The following QTRT2 variants were observed in gnomAD, a reference collection of about 807,000 sequenced individuals.
QTRT2 encodes the protein queuine tRNA-ribosyltransferase accessory subunit 2, also known as queuine tRNA-ribosyltransferase domain containing 1.
QTRT2 carries 32 observed loss-of-function variants against 44.8 expected under a neutral mutation model. The observed-to-expected ratio is 0.71, with a 90% CI of 0.54 to 0.96. QTRT2 has a LOEUF of 0.96. Among genes scored for constraint, QTRT2 ranks in the 40% least tolerant of loss-of-function variants. The pLI, the probability that QTRT2 is intolerant of heterozygous loss-of-function variation, is 0.00. For missense variants in QTRT2, 461 were observed against 503.1 expected, an observed-to-expected ratio of 0.92 and a Z score of 0.80; for synonymous variants, 182 against 187.4, an observed-to-expected ratio of 0.97 and a Z score of 0.24.
At chr3:114,063,862 A>C (rs1577513067) in intron 2 of QTRT2, among the ~76,000 whole-genome samples, 2 of 152,128 alleles carry the variant, frequency 1.3e-5, no homozygotes, top group East Asian at 3.8e-4. Flanking sequence ...TGTCTTATTT[A>C]TTTGGTGACA....
intron 6 of QTRT2, 81 bp downstream of exon 6, chr3:114,070,919 T>C (rs1208819801): frequency 1.9e-6 from 2 of 1,058,324 alleles, no homozygotes; most frequent in Non-Finnish European, 2.9e-6. Flanking sequence ...TTTCTGTTCT[T>C]CCTCCTACTG....
At chr3:114,082,204 CCACACACACA>C (rs71146306) in intron 8 of QTRT2, among the ~76,000 whole-genome samples, 6,487 of 138,772 alleles carry the variant, frequency 0.047, 154 homozygotes, top group East Asian at 0.067. Context: ...GATAACCCCA[CCACACACACA>C]CACACACACA....
intron 9 of QTRT2, among the ~76,000 whole-genome samples, chr3:114,083,591 C>T (rs1281557426): frequency 6.6e-6 from 1 of 152,136 alleles, no homozygotes; most frequent in East Asian, 1.9e-4. Flanking sequence ...GAGTCTGATG[C>T]ACTCACTTTA....
rs751566381 is a variant in QTRT2, at chr3:114,085,842, G to A, written c.1186G>A (p.Glu396Lys). 4 of 1,613,998 alleles carry A rather than the reference G, an allele frequency of 2.5e-6. No homozygotes were observed. The highest frequency in any genetic ancestry group is 3.4e-6 in the Non-Finnish European group (4 of 1,180,040). The change falls in exon 10 of 10, where the codon GAA (glutamate) becomes AAA (lysine). Residue 396 changes from glutamate (E) to lysine (K), a missense_variant. By Grantham distance (56) the Glu-to-Lys change is moderately conservative. Coordinates refer to ENST00000281273, the MANE Select transcript of QTRT2 (RefSeq NM_024638.4). Reference protein sequence around the residue: ...HYFGFFHYIREALKSDKLAQL... With the variant: ...HYFGFFHYIRKALKSDKLAQL... ...CTTTGGGTTTTTCCATTACATCCGG[G>A]AAGCACTAAAAAGTGACAAACTGGC... is the stretch of plus-strand genomic sequence containing the variant.
chr3:114,067,224 A>G (rs1002836527), intron 4 of QTRT2, among the ~76,000 whole-genome samples: 42 of 152,326 alleles, frequency 2.8e-4, no homozygotes, highest in African/African-American at 9.9e-4. Context: ...TAAAGTATAC[A>G]AGCATATAAT....
At chr3:114,084,929 T>C (rs1003780401) in intron 9 of QTRT2, among the ~76,000 whole-genome samples, 1 of 152,230 alleles carries the variant, frequency 6.6e-6, no homozygotes, top group African/African-American at 2.4e-5. Flanking sequence ...AAGTATTTGG[T>C]AAACTGCAAA....
chr3:114,087,350 A>G lies in QTRT2; in HGVS notation c.*1446A>G, dbSNP rs1028338645. 6.6e-6 allele frequency: 1 copy of G among 152,108 alleles called. No individual in the cohort carries two copies. The highest frequency in any genetic ancestry group is 1.5e-5 in the Non-Finnish European group (1 of 68,042). The allele number at this position is 152,108 out of a possible 1,614,324, so 9.4% of individuals were successfully genotyped here. The stretch of plus-strand genomic sequence containing the variant: ...CGTTCTTGGATTGCTATAAAGAAAT[A>G]CCTGAGACTGGGTAATTTGGTTTTT... On this transcript the variant is annotated 3_prime_UTR_variant, in exon 10 of 10. Transcript: ENST00000281273.
chr3:114,078,270 A>T (rs13314266), intron 7 of QTRT2: 1 of 152,262 alleles, frequency 6.6e-6, no homozygotes, highest in South Asian at 2.1e-4. Flanking sequence ...AAGTGCTCAC[A>T]GATGTCTGTT....
chr3:114,058,567 T>A (rs1234115313), intron 2 of QTRT2, among the ~76,000 whole-genome samples: 2 of 152,294 alleles, frequency 1.3e-5, no homozygotes, highest in East Asian at 3.9e-4. Flanking sequence ...GCATCTTGCT[T>A]TGTTACCCAG....
At chr3:114,072,307 C>T (rs540535995) in intron 6 of QTRT2, among the ~76,000 whole-genome samples, 14 of 152,250 alleles carry the variant, frequency 9.2e-5, no homozygotes, top group East Asian at 1.9e-4. Context: ...CATGCGCCAC[C>T]GTGCCTGGCT....
chr3:114,060,472 A>G (rs1037251782), intron 2 of QTRT2, among the ~76,000 whole-genome samples: 6 of 146,612 alleles, frequency 4.1e-5, no homozygotes, highest in African/African-American at 1.0e-4. Flanking sequence ...CCCCAGATAG[A>G]TAGGTAGGTA....
At position 114,088,092 on chromosome 3, in the gene QTRT2, G is replaced by A. The variant is rs191377332; in HGVS notation, c.*2188G>A. 2 of 152,296 alleles carry A rather than the reference G, an allele frequency of 1.3e-5. No individual in the cohort carries two copies. Among genetic ancestry groups the A allele is most frequent in the East Asian group, 3.9e-4 (2 of 5,188 alleles). The allele number at this position is 152,296 out of a possible 1,614,324, so 9.4% of individuals were successfully genotyped here. A position where few individuals can be genotyped will look rare whatever the true frequency, so the allele number is the denominator to read the frequency against. ...TCCAAAGATCTGATTGTTTTGAAAT[G>A]TGTTAGATTGGACTTGTTCAAATGT... On this transcript the variant is annotated 3_prime_UTR_variant, in exon 10 of 10. Transcript: ENST00000281273.
chr3:114,080,535 T>C (rs1220749794), intron 8 of QTRT2, among the ~76,000 whole-genome samples: 2 of 152,220 alleles, frequency 1.3e-5, no homozygotes, highest in Non-Finnish European at 2.9e-5. Flanking sequence ...TTTCCTTTGC[T>C]AATGTTGCTT....
chr3:114,073,438 G>A (rs1237879873), intron 6 of QTRT2, among the ~76,000 whole-genome samples: 2 of 151,994 alleles, frequency 1.3e-5, no homozygotes, highest in Admixed American at 6.6e-5. Context: ...GGAGTGCAGC[G>A]GTGCGATCTC....
intron 3 of QTRT2, among the ~76,000 whole-genome samples, chr3:114,065,706 G>A (rs1456651254): frequency 6.6e-6 from 1 of 152,156 alleles, no homozygotes; most frequent in Non-Finnish European, 1.5e-5. Context: ...TGTCGCCACT[G>A]CTCCCAGGGG....
In QTRT2 at chr3:114,087,338, C is replaced by T. The variant is rs2077249351; in HGVS notation, c.*1434C>T. The T allele has an allele frequency of 6.6e-6, 1 of 152,084 alleles. No homozygotes were observed. The highest frequency in any genetic ancestry group is 2.4e-5 in the African/African-American group (1 of 41,400). 9.4% of individuals were successfully genotyped at this position (152,084 alleles called of 1,614,324 possible). On this transcript the variant is annotated 3_prime_UTR_variant, in exon 10 of 10. Transcript: ENST00000281273. ...ATTGTATTAGGCCGTTCTTGGATTG[C>T]TATAAAGAAATACCTGAGACTGGGT...
intron 2 of QTRT2, among the ~76,000 whole-genome samples, chr3:114,062,368 C>CAAAAAAAAAAAAAAA (rs143192501): frequency 4.6e-5 from 4 of 86,148 alleles, no homozygotes; most frequent in Non-Finnish European, 9.0e-5. Flanking sequence ...GACCTTGTCT[C>CAAAAAAAAAAAAAAA]AAAAAAAAAA....
In QTRT2 at chr3:114,057,007, G is replaced by C; in HGVS notation, c.-121G>C. On this transcript the variant is annotated 5_prime_UTR_variant, in exon 2 of 10. Coordinates refer to ENST00000281273, the MANE Select transcript of QTRT2 (RefSeq NM_024638.4). ...TCTGCTTCCCTTTTCAGGGTGTCCTGGTGGATTGGTTTCTGTAAGTTCAGA... is the reference window on the plus strand; with the variant it reads ...TCTGCTTCCCTTTTCAGGGTGTCCTCGTGGATTGGTTTCTGTAAGTTCAGA... 3 of 1,426,356 alleles carry C rather than the reference G, an allele frequency of 2.1e-6. No individual in the cohort carries two copies. The highest frequency in any genetic ancestry group is 2.7e-6 in the Non-Finnish European group (3 of 1,095,438). 88.4% of individuals were successfully genotyped at this position (1,426,356 alleles called of 1,614,324 possible).
chr3:114,069,155 C>T (rs745602809), intron 5 of QTRT2, among the ~76,000 whole-genome samples: 8 of 151,892 alleles, frequency 5.3e-5, no homozygotes, highest in East Asian at 1.9e-4. Flanking sequence ...TAAAATAAAA[C>T]GACTATATGT....
Sources: gnomAD v4.1 joint callset for allele counts (sites outside exome capture counted in the v4.1 genomes callset) on GRCh38, gnomAD v4.1.1 for gene constraint, MANE v1.5 for transcripts, NCBI Gene and HGNC (gene_info 2026-07-23, HGNC 2026-07-21) for gene names.